Variants in PBX1 observed in about 807,000 individuals in gnomAD.
PBX1 encodes pre-B-cell leukemia transcription factor 1.
A neutral mutation model predicts 53.4 loss-of-function variants in PBX1; 6 were observed. That is an observed-to-expected ratio of 0.11 (90% CI 0.06 to 0.22). The LOEUF (loss-of-function observed/expected upper bound fraction) is 0.22, where lower values mean the gene tolerates loss of function less well. PBX1 is among the 10% of genes least tolerant of loss of function. The probability of loss-of-function intolerance (pLI) is 1.00; values close to 1 mark genes in which losing one functional copy is unlikely to be tolerated. For missense variants in PBX1, 251 were observed against 551.4 expected (o/e 0.46, Z 5.46); for synonymous variants, 204 against 212.3 (o/e 0.96, Z 0.34).
At chr1:164,855,032 C>T (rs1306353181), downstream of PBX1, among the ~76,000 whole-genome samples, 2 of 148,534 alleles carry the variant, frequency 1.3e-5, no homozygotes, top group African/African-American at 5.0e-5. Context: ...ACTGCAGTCT[C>T]GACCTCCCTG....
At chr1:164,751,431 CAA>C (rs745584943) in intron 2 of PBX1, among the ~76,000 whole-genome samples, 7 of 151,742 alleles carry the variant, frequency 4.6e-5, no homozygotes, top group Admixed American at 1.3e-4. Flanking sequence ...AATGCAGAAA[CAA>C]GAGAATCTGG....
rs150782580 is a variant in PBX1 at position 164,669,605 on chromosome 1, A to G, written c.265+106294A>G. On this transcript the variant is annotated intron_variant, in intron 2 of 8. Coordinates refer to ENST00000420696, the MANE Select transcript of PBX1 (RefSeq NM_002585.4). The stretch of plus-strand genomic sequence containing the variant: ...CCAGAAGTAGAATTTTTTAGAATGT[A>G]CACACTGCCTCTCTGACCTTCTGTC... Among the ~76,000 whole-genome samples the G allele has an allele frequency of 2.9e-3, 441 of 152,292 alleles. 4 individuals carry two copies. The highest frequency in any genetic ancestry group is 0.01 in the African/African-American group (425 of 41,568).
At chr1:164,729,131 G>A (rs760978109) in intron 2 of PBX1, among the ~76,000 whole-genome samples, 87 of 152,298 alleles carry the variant, frequency 5.7e-4, no homozygotes, top group Non-Finnish European at 1.1e-3. Flanking sequence ...CAGCATCCAG[G>A]AATACTTGGT....
intron 2 of PBX1, among the ~76,000 whole-genome samples, chr1:164,623,461 T>G (rs909040383): frequency 1.3e-5 from 2 of 152,210 alleles, no homozygotes; most frequent in Non-Finnish European, 1.5e-5. Flanking sequence ...TTTTAAAGCT[T>G]CTTCTGCTTA....
chr1:164,798,354 G>A (rs948628492), intron 3 of PBX1, among the ~76,000 whole-genome samples: 17 of 152,252 alleles, frequency 1.1e-4, no homozygotes, highest in African/African-American at 3.9e-4. Flanking sequence ...AACTCTCAAA[G>A]CATCATCTTG....
chr1:164,653,801 C>T (rs771909148), intron 2 of PBX1, among the ~76,000 whole-genome samples: 1 of 152,048 alleles, frequency 6.6e-6, no homozygotes. Flanking sequence ...CTGTCATGGC[C>T]GCACCTCTCA....
intron 2 of PBX1, among the ~76,000 whole-genome samples, chr1:164,874,213 AAC>A (rs1672450339): frequency 2.0e-5 from 3 of 152,188 alleles, no homozygotes; most frequent in Non-Finnish European, 4.4e-5. Flanking sequence ...TATAGAATAT[AAC>A]TTAATATAAG....
intron 2 of PBX1, among the ~76,000 whole-genome samples, chr1:164,650,194 G>A (rs1460051746): frequency 6.6e-6 from 1 of 151,776 alleles, no homozygotes; most frequent in Non-Finnish European, 1.5e-5. Context: ...TGGACTCTTA[G>A]GCATCTGGTG....
chr1:164,858,447 G>GCACACA (rs4035257), intron 2 of PBX1, among the ~76,000 whole-genome samples: 78 of 148,634 alleles, frequency 5.2e-4, no homozygotes, highest in South Asian at 4.5e-3. Context: ...CCCAGAGCCA[G>GCACACA]CACACACACA....
chr1:164,589,105 G>A (rs1029201392), intron 2 of PBX1, among the ~76,000 whole-genome samples: 2 of 152,076 alleles, frequency 1.3e-5, no homozygotes, highest in African/African-American at 4.8e-5. Flanking sequence ...TCATCACTCA[G>A]TGACAGACAG....
At chr1:164,572,053 T>G (rs564121220) in intron 2 of PBX1, among the ~76,000 whole-genome samples, 1 of 151,062 alleles carries the variant, frequency 6.6e-6, no homozygotes, top group African/African-American at 2.4e-5. Context: ...ATTACAGGCA[T>G]GGGCTACCAC....
Position 164,559,586 on chromosome 1 carries a change from C to G in PBX1, c.-237C>G. 1 of 419,226 alleles carries G rather than the reference C, an allele frequency of 2.4e-6. No individual in the cohort carries two copies. Among genetic ancestry groups the G allele is most frequent in the East Asian group, 3.8e-5 (1 of 26,486 alleles). The allele number at this position is 419,226 out of a possible 1,614,324, so 26.0% of individuals were successfully genotyped here. A position where few individuals can be genotyped will look rare whatever the true frequency, so the allele number is the denominator to read the frequency against. On this transcript the variant is annotated 5_prime_UTR_variant, in exon 1 of 9. Transcript: ENST00000420696. ...CACCCTTCCCCACCAGCCCTTATCC[C>G]CACCCTCACCCCGCAACCCCTTCAC...
intron 2 of PBX1, among the ~76,000 whole-genome samples, chr1:164,648,816 G>A (rs1322082318): frequency 6.6e-6 from 1 of 152,214 alleles, no homozygotes; most frequent in Non-Finnish European, 1.5e-5. Context: ...GCAAGGCAGT[G>A]TAATGTAATG....
chr1:164,719,954 A>C (rs1286107398), intron 2 of PBX1, among the ~76,000 whole-genome samples: 2 of 152,176 alleles, frequency 1.3e-5, no homozygotes, highest in African/African-American at 4.8e-5. Flanking sequence ...AAGCTCTGAA[A>C]TCCCACGCTG....
chr1:164,762,811 C>T (rs1054860365), intron 2 of PBX1, among the ~76,000 whole-genome samples: 3 of 152,178 alleles, frequency 2.0e-5, no homozygotes, highest in South Asian at 4.1e-4. Flanking sequence ...ATCTTGAACT[C>T]ATTTTCTGCT....
intron 2 of PBX1, among the ~76,000 whole-genome samples, chr1:164,678,270 C>G (rs1661554458): frequency 6.6e-6 from 1 of 152,192 alleles, no homozygotes; most frequent in African/African-American, 2.4e-5. Flanking sequence ...CTCCTGAGCT[C>G]TGCATTCCTT....
chr1:164,643,347 A>G (rs1659259497), intron 2 of PBX1, among the ~76,000 whole-genome samples: 1 of 152,182 alleles, frequency 6.6e-6, no homozygotes, highest in Non-Finnish European at 1.5e-5. Flanking sequence ...TGGAGGCTCC[A>G]CCTAATAAAA....
chr1:164,579,793 C>T (rs1248525644), intron 2 of PBX1, among the ~76,000 whole-genome samples: 1 of 152,086 alleles, frequency 6.6e-6, no homozygotes, highest in African/African-American at 2.4e-5. Flanking sequence ...TTCATACTTT[C>T]CTGTATGAAA....
At chr1:164,740,057 T>C (rs779419158) in intron 2 of PBX1, among the ~76,000 whole-genome samples, 12 of 152,118 alleles carry the variant, frequency 7.9e-5, no homozygotes, top group Non-Finnish European at 1.5e-4. Flanking sequence ...CCTTCAAGAT[T>C]TTATGTCTGA....
Sources: allele counts gnomAD v4.1 joint callset (sites outside exome capture counted in the v4.1 genomes callset), GRCh38; gene constraint gnomAD v4.1.1; transcripts MANE v1.5; gene names NCBI Gene and HGNC (gene_info 2026-07-23, HGNC 2026-07-21).